Variants in NAV2 observed in about 807,000 individuals in gnomAD.
NAV2 encodes the protein neuron navigator 2.
NAV2 carries 54 observed loss-of-function variants against 223.2 expected under a neutral mutation model. The observed-to-expected ratio is 0.24, with a 90% CI of 0.19 to 0.30. NAV2 has a LOEUF of 0.30. NAV2 is among the 10% of genes least tolerant of loss of function. The pLI, the probability that NAV2 is intolerant of heterozygous loss-of-function variation, is 1.00. For synonymous variants in NAV2, 1,279 were observed against 1,239.3 expected (o/e 1.03, Z -0.67); for missense variants, 2,806 against 3,147.5 (o/e 0.89, Z 2.60).
At chr11:19,935,870 T>TTTTTTTTTGTTTTTG (rs1486359101) in intron 7 of NAV2, among the ~76,000 whole-genome samples, 9 of 128,376 alleles carry the variant, frequency 7.0e-5, no homozygotes, top group African/African-American at 1.1e-4. Flanking sequence ...TTTTTTTTTT[T>TTTTTTTTTGTTTTTG]TTTTTGAGAT....
intron 1 of NAV2, among the ~76,000 whole-genome samples, chr11:19,555,045 A>G (rs2044831400): frequency 6.7e-6 from 1 of 150,330 alleles, no homozygotes; most frequent in Non-Finnish European, 1.5e-5. Flanking sequence ...CTACCCATGT[A>G]TGTATGTTGT....
At chr11:19,980,917 A>G (rs12804637) in intron 10 of NAV2, among the ~76,000 whole-genome samples, 20,474 of 152,214 alleles carry the variant, frequency 0.13, 1,523 homozygotes, top group African/African-American at 0.21. Context: ...CCGTCTCCCA[A>G]GGAGAGACAT....
Position 19,933,545 on chromosome 11 carries a change from C to A in NAV2, c.1301C>A (p.Pro434His). The change falls in exon 7 of 38, where the codon CCC becomes CAC. Residue 434 changes from proline to histidine, a missense_variant. Transcript: ENST00000349880. This position sits in a 1 kb window ranked among gnomAD's most constrained non-coding sequence, Gnocchi z 4.3. ...DTSCERLETL[P>H]SFEESEELEA... Reference sequence around the variant, plus strand: ...AGCTGTGAGCGGCTGGAGACTCTGCCCAGCTTCGAAGAGAGCGAGGAGCTG... The same window carrying A: ...AGCTGTGAGCGGCTGGAGACTCTGCACAGCTTCGAAGAGAGCGAGGAGCTG... 1 of 1,609,576 alleles carries A rather than the reference C, an allele frequency of 6.2e-7. No homozygotes were observed. Among genetic ancestry groups the A allele is most frequent in the Non-Finnish European group, 8.5e-7 (1 of 1,177,658 alleles).
At chr11:19,434,109 C>CAAAAA (rs34790501) in intron 1 of NAV2, among the ~76,000 whole-genome samples, 2 of 146,786 alleles carry the variant, frequency 1.4e-5, no homozygotes, top group Non-Finnish European at 3.0e-5. Context: ...GAAAATGAGC[C>CAAAAA]AAAAAAAAAA....
chr11:19,667,984 C>G (rs558975223), intron 1 of NAV2, among the ~76,000 whole-genome samples: 1 of 152,130 alleles, frequency 6.6e-6, no homozygotes, highest in African/African-American at 2.4e-5. Context: ...AGGTCCCTTG[C>G]AGCCTGTCTT....
At chr11:19,613,406 C>T (rs982058372) in intron 1 of NAV2, among the ~76,000 whole-genome samples, 10 of 152,238 alleles carry the variant, frequency 6.6e-5, no homozygotes, top group African/African-American at 2.4e-4. Flanking sequence ...CCTACCACCA[C>T]CACTGCATCA....
intron 6 of NAV2, among the ~76,000 whole-genome samples, chr11:19,921,932 G>A (rs149777025): frequency 4.3e-4 from 66 of 152,034 alleles, no homozygotes; most frequent in Admixed American, 2.9e-3. Context: ...TGCTATATAT[G>A]TGTGTGTGTG....
intron 1 of NAV2, among the ~76,000 whole-genome samples, chr11:19,420,572 G>A (rs1165704328): frequency 1.3e-5 from 2 of 152,148 alleles, no homozygotes; most frequent in East Asian, 3.8e-4. Flanking sequence ...ACATCAATGA[G>A]AACAAACTAA....
At chr11:19,604,494 T>C (rs1168058599) in intron 1 of NAV2, among the ~76,000 whole-genome samples, 1 of 152,192 alleles carries the variant, frequency 6.6e-6, no homozygotes, top group Non-Finnish European at 1.5e-5. Flanking sequence ...GCAAGAGGAC[T>C]GGGCTGGAGC....
chr11:19,390,573 T>TG (rs1849208395), intron 1 of NAV2, among the ~76,000 whole-genome samples: 1 of 152,118 alleles, frequency 6.6e-6, no homozygotes, highest in Non-Finnish European at 1.5e-5. Flanking sequence ...AAGTTTCAGT[T>TG]GGGGGGAATG....
chr11:19,542,472 G>A (rs1197807278), intron 1 of NAV2, among the ~76,000 whole-genome samples: 1 of 152,220 alleles, frequency 6.6e-6, no homozygotes, highest in Non-Finnish European at 1.5e-5. Flanking sequence ...GAGCTCTTAA[G>A]CACTTTGCTC....
At position 20,116,073 on chromosome 11, in the gene NAV2, A is replaced by G. The variant is rs573751372; in HGVS notation, c.7164+1278A>G. ...GGAAGCAAATATACCAAAACCTCCC[A>G]TGGTTAAAGGACTATTATCATGCCT... On this transcript the variant is annotated intron_variant, in intron 37 of 37. Coordinates refer to ENST00000349880, the MANE Select transcript of NAV2 (RefSeq NM_145117.5). Among the ~76,000 whole-genome samples the G allele has an allele frequency of 1.2e-4, 18 of 152,348 alleles. No individual in the cohort carries two copies. The South Asian group carries it at 1.4e-3, about 12-fold the overall frequency.
At chr11:19,963,313 C>T (rs911446153) in intron 10 of NAV2, among the ~76,000 whole-genome samples, 1 of 152,152 alleles carries the variant, frequency 6.6e-6, no homozygotes, top group Non-Finnish European at 1.5e-5. Flanking sequence ...AGTTACTTGG[C>T]CGGGCCACAC....
chr11:19,975,301 C>T (rs917020883), intron 10 of NAV2, among the ~76,000 whole-genome samples: 7 of 152,156 alleles, frequency 4.6e-5, no homozygotes, highest in Admixed American at 2.6e-4. Context: ...ACAAGCGTAG[C>T]CATGGATTAT....
chr11:19,723,507 T>C (rs529110259), intron 1 of NAV2, among the ~76,000 whole-genome samples: 8 of 152,224 alleles, frequency 5.3e-5, no homozygotes, highest in Admixed American at 2.0e-4. Context: ...CTGCTTTAGA[T>C]AATCAAACCT....
chr11:20,006,926 C>A (rs2053131457), intron 11 of NAV2, among the ~76,000 whole-genome samples: 1 of 151,986 alleles, frequency 6.6e-6, no homozygotes, highest in South Asian at 2.1e-4. Context: ...AGAGCTGAGA[C>A]TGGACCCTGG....
At chr11:20,047,081 G>A (rs1357079626) in intron 14 of NAV2, among the ~76,000 whole-genome samples, 1 of 151,950 alleles carries the variant, frequency 6.6e-6, no homozygotes, top group Non-Finnish European at 1.5e-5. Context: ...TTTTTTCCAG[G>A]GGTAAGTCTG....
intron 1 of NAV2, among the ~76,000 whole-genome samples, chr11:19,516,881 C>T (rs2043470509): frequency 6.6e-6 from 1 of 152,060 alleles, no homozygotes; most frequent in Admixed American, 6.5e-5. Flanking sequence ...ACAAGAAAGA[C>T]ACAATGGTAG....
At chr11:20,023,134 T>C (rs770841349) in intron 11 of NAV2, 38 of 1,551,686 alleles carry the variant, frequency 2.4e-5, no homozygotes, top group East Asian at 4.9e-5. Context: ...CCTTACAAGG[T>C]AGGACGATTT....
Sources: gnomAD v4.1 joint callset for allele counts (sites outside exome capture counted in the v4.1 genomes callset) on GRCh38, gnomAD v4.1.1 for gene constraint, Gnocchi (gnomAD v3.1) non-coding constraint, MANE v1.5 for transcripts, NCBI Gene and HGNC (gene_info 2026-07-23, HGNC 2026-07-21) for gene names.